CACNA1E: variants seen among roughly 807,000 people sequenced by gnomAD.
CACNA1E encodes voltage-dependent R-type calcium channel subunit alpha-1E.
A neutral mutation model predicts 259.2 loss-of-function variants in CACNA1E; 40 were observed. That is an observed-to-expected ratio of 0.15 (90% confidence interval 0.12 to 0.20). CACNA1E has a LOEUF of 0.20. CACNA1E is among the 10% of genes least tolerant of loss of function. The pLI is 1.00. For missense variants in CACNA1E, 1,874 were observed against 3,040.1 expected, an observed-to-expected ratio of 0.62 and a Z score of 9.02; for synonymous variants, 1,104 against 1,138.5, an observed-to-expected ratio of 0.97 and a Z score of 0.61.
At chr1:181,747,929 C>T (rs886893641) in intron 25 of CACNA1E, among the ~76,000 whole-genome samples, 3 of 152,110 alleles carry the variant, frequency 2.0e-5, no homozygotes, top group Admixed American at 6.5e-5. Flanking sequence ...AGTGTTGAGG[C>T]GTTTCTTGAC....
chr1:181,721,945 G>C, intron 16 of CACNA1E, 70 bp downstream of exon 16: 1 of 1,010,222 alleles, frequency 9.9e-7, no homozygotes, highest in Non-Finnish European at 1.6e-6. Context: ...AGGCATTGGT[G>C]GTGGTGGTGC....
chr1:181,670,083 C>G (rs1044016816), intron 7 of CACNA1E, among the ~76,000 whole-genome samples: 1 of 152,124 alleles, frequency 6.6e-6, no homozygotes, highest in African/African-American at 2.4e-5. Context: ...GTCTCTTTTT[C>G]TGGTCTATAG....
intron 45 of CACNA1E, among the ~76,000 whole-genome samples, chr1:181,794,023 G>A (rs998055548): frequency 2.0e-4 from 31 of 152,112 alleles, no homozygotes; most frequent in Non-Finnish European, 4.1e-4. Flanking sequence ...CACTCCGGAC[G>A]GGTTAAACAT....
At chr1:181,718,027 A>G (rs2102466104) in intron 11 of CACNA1E, 28 bp from the exon 12 acceptor site, 1 of 1,156,400 alleles carries the variant, frequency 8.6e-7, no homozygotes, top group South Asian at 1.3e-5. Context: ...CACATGTGGA[A>G]CCAATGCTCT....
intron 3 of CACNA1E, among the ~76,000 whole-genome samples, chr1:181,541,683 T>C (rs913090934): frequency 6.6e-5 from 10 of 152,238 alleles, no homozygotes; most frequent in African/African-American, 2.4e-4. Flanking sequence ...GCACATGTTA[T>C]GTTTTGACCT....
intron 3 of CACNA1E, among the ~76,000 whole-genome samples, chr1:181,571,756 G>A (rs1451957983): frequency 6.6e-6 from 1 of 152,094 alleles, no homozygotes; most frequent in African/African-American, 2.4e-5. Flanking sequence ...GTTCTTTGTT[G>A]GTATCGATAT....
chr1:181,720,736 G>A, intron 14 of CACNA1E, 47 bp from the exon 15 acceptor site: 1 of 1,092,430 alleles, frequency 9.2e-7, no homozygotes, highest in Non-Finnish European at 1.4e-6. Context: ...GGAAAACTTG[G>A]TATGTGAGAT....
chr1:181,755,032 C>A (rs115569906), intron 27 of CACNA1E, among the ~76,000 whole-genome samples: 123 of 152,272 alleles, frequency 8.1e-4, no homozygotes, highest in African/African-American at 2.8e-3. Context: ...TGTTCCCATC[C>A]CAGGTGGTAG....
intron 2 of CACNA1E, among the ~76,000 whole-genome samples, chr1:181,414,250 C>A (rs1462379277): frequency 6.6e-6 from 1 of 152,178 alleles, no homozygotes; most frequent in South Asian, 2.1e-4. Flanking sequence ...CCTGTGGATG[C>A]CGGAGTTTAC....
chr1:181,583,603 A>G (rs536864379), intron 6 of CACNA1E, among the ~76,000 whole-genome samples: 1 of 152,290 alleles, frequency 6.6e-6, no homozygotes, highest in South Asian at 2.1e-4. Flanking sequence ...CCTTTTCTGT[A>G]GCACAGACTC....
chr1:181,621,280 G>T (rs907984857), intron 6 of CACNA1E, among the ~76,000 whole-genome samples: 1 of 152,222 alleles, frequency 6.6e-6, no homozygotes, highest in Non-Finnish European at 1.5e-5. Context: ...TAAAAATAGT[G>T]TTCTAGAAGG....
chr1:181,514,190 GTT>G (rs1435812726), intron 3 of CACNA1E, among the ~76,000 whole-genome samples: 2 of 152,152 alleles, frequency 1.3e-5, no homozygotes, highest in East Asian at 3.8e-4. Context: ...TAAGATGCAC[GTT>G]TTTCATGCTG....
At chr1:181,436,290 T>C (rs939410615) in intron 2 of CACNA1E, among the ~76,000 whole-genome samples, 1 of 152,386 alleles carries the variant, frequency 6.6e-6, no homozygotes, top group East Asian at 1.9e-4. Flanking sequence ...ACAGCCATTA[T>C]GGAAAATAGT....
At chr1:181,625,526 C>T (rs1572412922) in intron 6 of CACNA1E, among the ~76,000 whole-genome samples, 1 of 152,280 alleles carries the variant, frequency 6.6e-6, no homozygotes, top group South Asian at 2.1e-4. Flanking sequence ...CGGCTTCTTT[C>T]CTTCAACCTC....
intron 7 of CACNA1E, among the ~76,000 whole-genome samples, chr1:181,672,716 G>A (rs1315663336): frequency 6.6e-6 from 1 of 152,328 alleles, no homozygotes; most frequent in East Asian, 1.9e-4. Flanking sequence ...AGGTTGCGCT[G>A]TGCTGGTCAT....
In CACNA1E at chr1:181,464,178, A is replaced by G. The variant is rs576452996; in HGVS notation, c.435-19566A>G. Among the ~76,000 whole-genome samples, 199 of 152,086 alleles carry G rather than the reference A, an allele frequency of 1.3e-3. 3 individuals are homozygous for G. Among genetic ancestry groups the G allele is most frequent in the Non-Finnish European group, 6.8e-4 (46 of 67,946 alleles). On this transcript the variant is annotated intron_variant, in intron 2 of 11. Transcript: ENST00000524607. ...ATAACTTTGTAGTTTTGGTATATTA[A>G]TTCTCCCCAAATTGTCTTGGCTATT... is the stretch of plus-strand genomic sequence containing the variant.
At chr1:181,488,632 A>G (rs944111786) in intron 1 of CACNA1E, among the ~76,000 whole-genome samples, 1 of 152,250 alleles carries the variant, frequency 6.6e-6, no homozygotes, top group Admixed American at 6.5e-5. Context: ...GGAATTTGAC[A>G]GAAATGAAAT....
intron 16 of CACNA1E, among the ~76,000 whole-genome samples, chr1:181,723,266 A>G (rs1240294524): frequency 2.0e-5 from 3 of 151,944 alleles, no homozygotes; most frequent in South Asian, 2.1e-4. Flanking sequence ...TCTAGGTAGG[A>G]TTCAATTCCA....
intron 6 of CACNA1E, among the ~76,000 whole-genome samples, chr1:181,590,874 T>C (rs1032615491): frequency 2.6e-5 from 4 of 152,214 alleles, no homozygotes; most frequent in African/African-American, 9.7e-5. Flanking sequence ...CCATAAATTT[T>C]GTTGCAAGTT....
Sources: allele counts gnomAD v4.1 joint callset (sites outside exome capture counted in the v4.1 genomes callset), GRCh38; gene constraint gnomAD v4.1.1; transcripts MANE v1.5; gene names NCBI Gene and HGNC (gene_info 2026-07-23, HGNC 2026-07-21).